Variants in ASTN2 observed in about 807,000 individuals in gnomAD.
The protein encoded by ASTN2 is astrotactin 2, also known as astrotactin-2.
In ASTN2, 54 loss-of-function variants were observed where a neutral mutation model predicts 139.8. The ratio of observed to expected loss-of-function variants is 0.39; its 90% CI spans 0.31 to 0.48. The LOEUF is 0.48. Ranked by LOEUF, ASTN2 falls within the 20% of genes least tolerant of loss-of-function variation. The pLI is 0.95. For synonymous variants in ASTN2, 756 were observed against 719.5 expected (o/e 1.05, Z -0.81); for missense variants, 1,565 against 1,725.1 (o/e 0.91, Z 1.64).
intron 3 of ASTN2, among the ~76,000 whole-genome samples, chr9:117,159,620 G>A (rs1030543237): frequency 2.6e-5 from 4 of 151,976 alleles, no homozygotes; most frequent in East Asian, 1.9e-4. Flanking sequence ...TAAATTTTGT[G>A]CATCTACTGT....
intron 1 of ASTN2, among the ~76,000 whole-genome samples, chr9:117,308,163 G>T (rs1175046955): frequency 6.6e-6 from 1 of 152,148 alleles, no homozygotes; most frequent in Non-Finnish European, 1.5e-5. Context: ...CACACACCAT[G>T]CAGGAAACCT....
At chr9:116,520,481 G>A (rs528306626) in intron 19 of ASTN2, among the ~76,000 whole-genome samples, 5 of 152,036 alleles carry the variant, frequency 3.3e-5, no homozygotes, top group East Asian at 1.9e-4. Context: ...CAGCAAAATC[G>A]GCATAGAAGG....
chr9:116,431,692 C>T (rs1213370732), intron 22 of ASTN2, among the ~76,000 whole-genome samples: 1 of 141,204 alleles, frequency 7.1e-6, no homozygotes, highest in East Asian at 2.2e-4. Context: ...TTATTGAGCA[C>T]CCACTATGTG....
At chr9:116,629,169 G>A (rs1233095498) in intron 17 of ASTN2, among the ~76,000 whole-genome samples, 2 of 143,414 alleles carry the variant, frequency 1.4e-5, no homozygotes, top group Non-Finnish European at 1.5e-5. Context: ...CCAGGCTGGA[G>A]TGCAGTGGCG....
intron 7 of ASTN2, among the ~76,000 whole-genome samples, chr9:117,007,558 T>C (rs989553645): frequency 2.6e-5 from 4 of 152,202 alleles, no homozygotes; most frequent in African/African-American, 7.2e-5. Context: ...CCCACTAGCA[T>C]GTAAGCTTCA....
At chr9:117,356,260 A>C (rs931471851) in intron 1 of ASTN2, among the ~76,000 whole-genome samples, 1 of 152,220 alleles carries the variant, frequency 6.6e-6, no homozygotes, top group Admixed American at 6.5e-5. Flanking sequence ...AAAATCTTAA[A>C]ATATGCAGGG....
chr9:116,573,417 GA>G (rs1315655834), intron 19 of ASTN2, among the ~76,000 whole-genome samples: 2 of 152,122 alleles, frequency 1.3e-5, no homozygotes, highest in African/African-American at 2.4e-5. Context: ...TTTCTCATGG[GA>G]TATCTCAGAG....
At chr9:117,269,354 C>T (rs1317602366) in intron 2 of ASTN2, among the ~76,000 whole-genome samples, 1 of 152,180 alleles carries the variant, frequency 6.6e-6, no homozygotes, top group Non-Finnish European at 1.5e-5. Flanking sequence ...GACAAATTTC[C>T]CCCAATGCAT....
intron 13 of ASTN2, among the ~76,000 whole-genome samples, chr9:116,770,263 T>C (rs995810158): frequency 4.6e-5 from 7 of 152,072 alleles, no homozygotes; most frequent in Admixed American, 3.3e-4. Flanking sequence ...CAACTGCAGA[T>C]GGCTATTCCC....
At chr9:116,892,072 A>T (rs1461541564) in intron 10 of ASTN2, among the ~76,000 whole-genome samples, 2 of 152,320 alleles carry the variant, frequency 1.3e-5, no homozygotes, top group Admixed American at 6.5e-5. Flanking sequence ...CTGAATACAT[A>T]AACTTTGCTT....
chr9:116,905,237 A>G (rs1834124104), intron 10 of ASTN2, among the ~76,000 whole-genome samples: 1 of 152,180 alleles, frequency 6.6e-6, no homozygotes, highest in South Asian at 2.1e-4. Flanking sequence ...GCGGAAATAA[A>G]TGTACAACCT....
chr9:117,288,548 T>A (rs924014593), intron 2 of ASTN2, among the ~76,000 whole-genome samples: 1 of 152,206 alleles, frequency 6.6e-6, no homozygotes, highest in African/African-American at 2.4e-5. Context: ...CAAGTTTTAA[T>A]CCTGGGGAAA....
intron 16 of ASTN2, among the ~76,000 whole-genome samples, chr9:116,688,453 G>C (rs1035540714): frequency 6.6e-6 from 1 of 152,136 alleles, no homozygotes; most frequent in African/African-American, 2.4e-5. Context: ...TATGAAACTG[G>C]ATGAGTATAT....
At chr9:116,876,948 C>T (rs1833319003) in intron 10 of ASTN2, among the ~76,000 whole-genome samples, 1 of 152,156 alleles carries the variant, frequency 6.6e-6, no homozygotes, top group African/African-American at 2.4e-5. Flanking sequence ...TGCCTGTATA[C>T]AGAAAAGAGC....
intron 4 of ASTN2, among the ~76,000 whole-genome samples, chr9:117,134,293 TATACACACACACACACACACAC>T (rs1316968200): frequency 2.0e-4 from 11 of 53,910 alleles, no homozygotes; most frequent in African/African-American, 6.0e-4. Flanking sequence ...TATATATATA[TATACACACACACACACACACAC>T]ACACACACAC....
intron 10 of ASTN2, among the ~76,000 whole-genome samples, chr9:116,894,656 G>T (rs1011446682): frequency 9.2e-5 from 14 of 152,042 alleles, no homozygotes; most frequent in African/African-American, 3.4e-4. Context: ...TGCCTGGGCT[G>T]GCCTCCTGGG....
chr9:116,565,992 G>A (rs1330313312), intron 19 of ASTN2, among the ~76,000 whole-genome samples: 1 of 152,148 alleles, frequency 6.6e-6, no homozygotes, highest in Non-Finnish European at 1.5e-5. Context: ...CCTTCTACAT[G>A]TGTAAGCTCT....
intron 17 of ASTN2, among the ~76,000 whole-genome samples, chr9:116,635,657 T>C (rs1857039355): frequency 6.6e-6 from 1 of 152,204 alleles, no homozygotes. Flanking sequence ...TGCTACGTTA[T>C]ACTTCAATTG....
intron 16 of ASTN2, among the ~76,000 whole-genome samples, chr9:116,723,455 T>C (rs1303123107): frequency 6.6e-6 from 1 of 152,094 alleles, no homozygotes. Flanking sequence ...ACACCCTCCA[T>C]CCCACTTCAG....
Sources: allele counts gnomAD v4.1 joint callset (sites outside exome capture counted in the v4.1 genomes callset), GRCh38; gene constraint gnomAD v4.1.1; transcripts MANE v1.5; gene names NCBI Gene and HGNC (gene_info 2026-07-23, HGNC 2026-07-21).